F13B: variants seen among roughly 807,000 people sequenced by gnomAD.
The protein encoded by F13B is TGase.
A neutral mutation model predicts 79.8 loss-of-function variants in F13B; 58 were observed. The ratio of observed to expected loss-of-function variants is 0.73; its 90% CI spans 0.59 to 0.90. The LOEUF is 0.90. Among genes scored for constraint, F13B ranks in the 40% least tolerant of loss-of-function variants. The probability of loss-of-function intolerance (pLI) is 0.00; values close to 1 mark genes in which losing one functional copy is unlikely to be tolerated. For missense variants in F13B, 773 were observed against 777.0 expected (o/e 0.99, Z 0.06); for synonymous variants, 283 against 260.3 (o/e 1.09, Z -0.84).
intron 10 of F13B, among the ~76,000 whole-genome samples, chr1:197,045,564 C>T (rs528173511): frequency 2.8e-4 from 42 of 152,018 alleles, no homozygotes; most frequent in African/African-American, 9.4e-4. Flanking sequence ...GATTCACAGC[C>T]GAATTCTACC....
intron 1 of F13B, among the ~76,000 whole-genome samples, chr1:197,064,456 A>T (rs577172993): frequency 1.3e-5 from 2 of 152,182 alleles, no homozygotes; most frequent in African/African-American, 4.8e-5. Flanking sequence ...CAACAACAGA[A>T]ATGAACAAAT....
intron 5 of F13B, among the ~76,000 whole-genome samples, chr1:197,059,488 A>G (rs1269607350): frequency 6.6e-6 from 1 of 152,086 alleles, no homozygotes; most frequent in Non-Finnish European, 1.5e-5. Context: ...CTGCCTGTCA[A>G]TAGACCTTAT....
At chr1:197,054,780 G>T (rs1048232056) in intron 8 of F13B, among the ~76,000 whole-genome samples, 5 of 151,808 alleles carry the variant, frequency 3.3e-5, no homozygotes, top group African/African-American at 9.7e-5. Context: ...CAAAGATTAG[G>T]ATGATTACTA....
chr1:197,063,099 C>A, intron 1 of F13B, 42 bp from the exon 2 acceptor site: 1 of 1,544,852 alleles, frequency 6.5e-7, no homozygotes, highest in South Asian at 1.1e-5. Flanking sequence ...AAAAACAAAT[C>A]TAAAAACATA....
chr1:197,057,057 A>T lies in F13B; in HGVS notation c.1127T>A (p.Ile376Lys). Reference protein sequence around the residue: ...SGYLLHGSNEITCNRGKWTLP... With the variant: ...SGYLLHGSNEKTCNRGKWTLP... ...TGTCCATTTTCCACGATTACAAGTT[A>T]TCTCATTCGATCCATGGAGAAGGTA... Residue 376 changes from isoleucine (I) to lysine (K), a missense_variant, in exon 7 of 12, where the codon ATA becomes AAA. By Grantham distance (102) the Ile-to-Lys change is moderately radical. Transcript: ENST00000367412. The T allele has an allele frequency of 2.5e-6, 4 of 1,613,820 alleles. No homozygotes were observed. Among genetic ancestry groups the T allele is most frequent in the Non-Finnish European group, 3.4e-6 (4 of 1,179,898 alleles).
chr1:197,043,485 A>G (rs1201637300), intron 10 of F13B, among the ~76,000 whole-genome samples: 1 of 152,206 alleles, frequency 6.6e-6, no homozygotes, highest in Non-Finnish European at 1.5e-5. Flanking sequence ...AGATCCAGAT[A>G]TTGGAGTTTG....
At chr1:197,049,285 TAGAA>T (rs1432033738) in intron 10 of F13B, among the ~76,000 whole-genome samples, 5 of 151,914 alleles carry the variant, frequency 3.3e-5, no homozygotes, top group African/African-American at 4.8e-5. Flanking sequence ...ATTAATAAAA[TAGAA>T]AGCAAAATTT....
intron 3 of F13B, 127 bp downstream of exon 3, chr1:197,061,657 A>G: frequency 1.2e-6 from 1 of 813,576 alleles, no homozygotes; most frequent in Non-Finnish European, 1.9e-6. Context: ...TGTAATATCA[A>G]CTTCCTGCAT....
chr1:197,043,999 T>A (rs1181634161), intron 10 of F13B, among the ~76,000 whole-genome samples: 1 of 151,846 alleles, frequency 6.6e-6, no homozygotes, highest in African/African-American at 2.4e-5. Context: ...CCCTGGGAGC[T>A]GCAGACCGGA....
chr1:197,045,277 G>T (rs1321336851), intron 10 of F13B, among the ~76,000 whole-genome samples: 1 of 151,938 alleles, frequency 6.6e-6, no homozygotes, highest in East Asian at 1.9e-4. Context: ...GACTAATAAA[G>T]AAGAAAAGAG....
chr1:197,051,327 T>A (rs970077856), intron 9 of F13B, among the ~76,000 whole-genome samples: 2 of 152,204 alleles, frequency 1.3e-5, no homozygotes, highest in East Asian at 3.8e-4. Flanking sequence ...AGTGTTTACA[T>A]GCATATTTAA....
chr1:197,053,509 T>C (rs1443976139), intron 8 of F13B, among the ~76,000 whole-genome samples: 1 of 152,116 alleles, frequency 6.6e-6, no homozygotes, highest in Non-Finnish European at 1.5e-5. Context: ...GCTTCTCCTT[T>C]GTCTTCTACC....
intron 10 of F13B, among the ~76,000 whole-genome samples, 184 bp from the exon 11 acceptor site, chr1:197,040,919 A>C (rs1178629971): frequency 6.6e-6 from 1 of 152,054 alleles, no homozygotes; most frequent in Admixed American, 6.6e-5. Flanking sequence ...ATCTCACAGA[A>C]AACAGTGAGC....
intron 10 of F13B, among the ~76,000 whole-genome samples, chr1:197,047,399 G>GA (rs1413691414): frequency 6.6e-6 from 1 of 152,120 alleles, no homozygotes; most frequent in Non-Finnish European, 1.5e-5. Flanking sequence ...ACAGACATAT[G>GA]AAAAAATGCT....
intron 10 of F13B, among the ~76,000 whole-genome samples, chr1:197,048,077 T>G (rs1051317394): frequency 1.3e-5 from 2 of 151,974 alleles, no homozygotes; most frequent in African/African-American, 4.8e-5. Flanking sequence ...ATGGCACATG[T>G]ATACCTATGT....
chr1:197,063,583 G>GCA (rs1655946110), intron 1 of F13B, among the ~76,000 whole-genome samples: 1 of 152,052 alleles, frequency 6.6e-6, no homozygotes, highest in Non-Finnish European at 1.5e-5. Flanking sequence ...GCCTCCCAAA[G>GCA]CACTAGGATT....
At position 197,057,173 on chromosome 1, in the gene F13B, C is replaced by T. The variant is rs1655675001; in HGVS notation, c.1011G>A (p.Glu337=). The change falls in exon 7 of 12, where the codon GAG becomes GAA. Residue 337 remains glutamate, a synonymous_variant. Transcript: ENST00000367412. The part of the protein sequence containing the change: ...CIEGQEKVAC[E]EPPFIENGAA... ...CACCATTTTCAATGAAGGGTGGTTC[C>T]TCACAGGCTACCTTCTCCTGTCCTT... 1 of 1,613,734 alleles carries T rather than the reference C, an allele frequency of 6.2e-7. No individual in the cohort carries two copies. The highest frequency in any genetic ancestry group is 1.1e-5 in the South Asian group (1 of 91,082).
intron 6 of F13B, 43 bp from the exon 7 acceptor site, chr1:197,057,241 C>T (rs770212133): frequency 1.2e-6 from 2 of 1,613,762 alleles, no homozygotes; most frequent in African/African-American, 1.3e-5. Flanking sequence ...TTTAGCTACA[C>T]ATGCAGATTT....
chr1:197,051,893 T>G (rs76753275), intron 9 of F13B, among the ~76,000 whole-genome samples: 1 of 152,094 alleles, frequency 6.6e-6, no homozygotes. Flanking sequence ...TGTAAATTTG[T>G]GTTAAGTTCC....
Sources: gnomAD v4.1 joint callset for allele counts (sites outside exome capture counted in the v4.1 genomes callset) on GRCh38, gnomAD v4.1.1 for gene constraint, MANE v1.5 for transcripts, NCBI Gene and HGNC (gene_info 2026-07-23, HGNC 2026-07-21) for gene names.